The following LHX2 variants were observed in gnomAD, a reference collection of about 807,000 sequenced individuals.
LHX2 encodes the protein LIM/homeobox protein Lhx2.
A neutral mutation model predicts 33.0 loss-of-function variants in LHX2; 6 were observed. The observed-to-expected ratio is 0.18, with a 90% CI of 0.10 to 0.36. LHX2 has a LOEUF of 0.36. Among genes scored for constraint, LHX2 ranks in the 10% least tolerant of loss-of-function variants. The pLI is 1.00. For synonymous variants in LHX2, 292 were observed against 253.1 expected (o/e 1.15, Z -1.46); for missense variants, 442 against 586.2 (o/e 0.75, Z 2.54).
chr9:124,020,819 A>G (rs189466754), intron 3 of LHX2, among the ~76,000 whole-genome samples: 1 of 151,988 alleles, frequency 6.6e-6, no homozygotes, highest in East Asian at 1.9e-4. Flanking sequence ...TGCTGCTACT[A>G]TTGTTCTTAT....
rs1346231061 is a variant in LHX2 at position 124,015,006 on chromosome 9, G to A, written c.324-116G>A. 2 of 1,181,236 alleles carry A rather than the reference G, an allele frequency of 1.7e-6. No individual in the cohort carries two copies. The highest frequency in any genetic ancestry group is 1.5e-5 in the African/African-American group (1 of 65,524). The allele number at this position is 1,181,236 out of a possible 1,614,324, so 73.2% of individuals were successfully genotyped here. On this transcript the variant is annotated intron_variant, in intron 2 of 4. Coordinates refer to ENST00000373615, the MANE Select transcript of LHX2 (RefSeq NM_004789.4). The surrounding 1 kb of genome is among the most constrained non-coding windows in gnomAD (Gnocchi z 7.9). ...CCCCCCCATCCTCCAAATAAAGGCC[G>A]GGTTGTTCGTCTTGAGGAGGGGATT...
rs752474399 is a variant in LHX2 at position 124,032,758 on chromosome 9, A to T, written c.*51A>T. On this transcript the variant is annotated 3_prime_UTR_variant, in exon 5 of 5. Transcript: ENST00000373615. The surrounding 1 kb of genome is among the most constrained non-coding windows in gnomAD (Gnocchi z 4.1). ...TTTCTTTAAAAAAGAAATTATCTTT[A>T]GTTGAATTCCAAGTGTATTTTAAAA... 6.7e-7 allele frequency: 1 copy of T among 1,497,256 alleles called. No individual in the cohort carries two copies. The highest frequency in any genetic ancestry group is 9.0e-7 in the Non-Finnish European group (1 of 1,115,774). The allele number at this position is 1,497,256 out of a possible 1,614,324, so 92.7% of individuals were successfully genotyped here.
chr9:124,015,625 G>T lies in LHX2; in HGVS notation c.727+100G>T. 1 of 1,322,354 alleles carries T rather than the reference G, an allele frequency of 7.6e-7. No homozygotes were observed. Among genetic ancestry groups the T allele is most frequent in the East Asian group, 2.6e-5 (1 of 38,776 alleles). 81.9% of individuals were successfully genotyped at this position (1,322,354 alleles called of 1,614,324 possible). On this transcript the variant is annotated intron_variant, in intron 3 of 4. Coordinates refer to ENST00000373615, the MANE Select transcript of LHX2 (RefSeq NM_004789.4). The surrounding 1 kb of genome is among the most constrained non-coding windows in gnomAD (Gnocchi z 7.9). ...TGAATCTCTGTGTGCTGGGCAAATA[G>T]CGAGCCTTAAGCACCGGACGGCCTC...
intron 4 of LHX2, among the ~76,000 whole-genome samples, chr9:124,030,987 A>G (rs918203246): frequency 1.3e-5 from 2 of 152,114 alleles, no homozygotes. Flanking sequence ...GTGCAAAGAT[A>G]TGGGAGTGGA....
chr9:124,025,302 G>A (rs557090340), intron 4 of LHX2, among the ~76,000 whole-genome samples: 20 of 152,178 alleles, frequency 1.3e-4, no homozygotes, highest in Admixed American at 7.2e-4. Context: ...TTAGCCGGGC[G>A]TGGTGGCATG....
rs897913744 is a variant in LHX2 at position 124,011,789 on chromosome 9, C to G, written c.-560C>G. ...CTTCAATTCTCCCGGTGGCTCGACT[C>G]GGCTCGCAGGCTTCGGAGAAACCCC... On this transcript the variant is annotated 5_prime_UTR_variant, in exon 1 of 5. Transcript: ENST00000373615. 6.5e-6 allele frequency: 1 copy of G among 153,692 alleles called. No individual in the cohort carries two copies. Among genetic ancestry groups the G allele is most frequent in the African/African-American group, 2.4e-5 (1 of 41,404 alleles). The allele number at this position is 153,692 out of a possible 1,614,324, so 9.5% of individuals were successfully genotyped here.
At chr9:124,027,490 T>A (rs999723125) in intron 4 of LHX2, among the ~76,000 whole-genome samples, 2 of 152,032 alleles carry the variant, frequency 1.3e-5, no homozygotes, top group African/African-American at 4.8e-5. Context: ...ACCAAATGAG[T>A]TAATGTGTAA....
In LHX2 at chr9:124,021,171, A is replaced by C; in HGVS notation, c.800A>C (p.Lys267Thr). 1 of 1,614,222 alleles carries C rather than the reference A, an allele frequency of 6.2e-7. No individual in the cohort carries two copies. Among genetic ancestry groups the C allele is most frequent in the Middle Eastern group, 1.6e-4 (1 of 6,062 alleles). ...DQPYPSSQKT[K>T]RMRTSFKHHQ... ...CCATACCCGAGCAGCCAGAAGACCA[A>C]GCGCATGCGCACGTCCTTCAAGCAC... Residue 267 changes from lysine to threonine, a missense_variant, in exon 4 of 5, where the codon AAG becomes ACG. By Grantham distance (78) the Lys-to-Thr change is moderately conservative. Around this residue, in one of 5 missense-constraint regions of LHX2, gnomAD observed 32 missense variants for 95.3 expected, o/e 0.34. Transcript: ENST00000373615.
At position 124,012,532 on chromosome 9, in the gene LHX2, T is replaced by C. The variant is rs1351435197; in HGVS notation, c.120+64T>C. Reference sequence around the variant, plus strand: ...ATGGGGCCGGGCCAGTCAGCGCCTCTGCTCCCCGAAGTTTGGGGAGCGTCC... The same window carrying C: ...ATGGGGCCGGGCCAGTCAGCGCCTCCGCTCCCCGAAGTTTGGGGAGCGTCC... On this transcript the variant is annotated intron_variant, in intron 1 of 4. Coordinates refer to ENST00000373615, the MANE Select transcript of LHX2 (RefSeq NM_004789.4). The surrounding 1 kb of genome is among the most constrained non-coding windows in gnomAD (Gnocchi z 4.3). The C allele has an allele frequency of 2.3e-5, 33 of 1,413,432 alleles. No homozygotes were observed. The highest frequency in any genetic ancestry group is 4.5e-5 in the African/African-American group (3 of 67,262). The allele number at this position is 1,413,432 out of a possible 1,614,324, so 87.6% of individuals were successfully genotyped here.
In LHX2 at chr9:124,012,390, C is replaced by A; in HGVS notation, c.42C>A (p.Val14=). 1 of 1,531,930 alleles carries A rather than the reference C, an allele frequency of 6.5e-7. No individual in the cohort carries two copies. Among genetic ancestry groups the A allele is most frequent in the South Asian group, 1.2e-5 (1 of 83,094 alleles). 94.9% of individuals were successfully genotyped at this position (1,531,930 alleles called of 1,614,324 possible). The part of the protein sequence containing the change: ...HSLSGPEVHG[V]IDEMDRRAKS... ...TGTCGGGCCCCGAGGTGCACGGGGT[C>A]ATCGACGAGATGGACCGCAGGGCCA... Residue 14 remains valine (V), a synonymous_variant, in exon 1 of 5, where the codon GTC becomes GTA. Coordinates refer to ENST00000373615, the MANE Select transcript of LHX2 (RefSeq NM_004789.4). This position sits in a 1 kb window ranked among gnomAD's most constrained non-coding sequence, Gnocchi z 4.3.
intron 4 of LHX2, among the ~76,000 whole-genome samples, chr9:124,024,501 AG>A (rs1324730178): frequency 1.3e-5 from 2 of 152,236 alleles, no homozygotes; most frequent in Admixed American, 1.3e-4. Flanking sequence ...ACTTACCAGC[AG>A]TGAGATTTGG....
chr9:124,017,450 C>T (rs891662237), intron 3 of LHX2, among the ~76,000 whole-genome samples: 1 of 152,226 alleles, frequency 6.6e-6, no homozygotes, highest in Non-Finnish European at 1.5e-5. Context: ...CCGCCCTTCC[C>T]TCCCCTCCCG....
Position 124,015,484 on chromosome 9 carries a change from A to G in LHX2, c.686A>G (p.Lys229Arg). The G allele has an allele frequency of 6.7e-7, 1 of 1,487,948 alleles. No homozygotes were observed. The highest frequency in any genetic ancestry group is 8.9e-7 in the Non-Finnish European group (1 of 1,120,044). The allele number at this position is 1,487,948 out of a possible 1,614,324, so 92.2% of individuals were successfully genotyped here. Residue 229 changes from lysine (K) to arginine (R), a missense_variant, in exon 3 of 5, where the codon AAG becomes AGG. Lys to Arg is a conservative substitution (Grantham distance 26). Transcript: ENST00000373615. The surrounding 1 kb of genome is among the most constrained non-coding windows in gnomAD (Gnocchi z 7.9). Reference sequence around the variant, plus strand: ...CAGAAGGGGCGGCCGAGGAAACGTAAGAGCCCGGGCCCCGGTGCGGATCTG... The same window carrying G: ...CAGAAGGGGCGGCCGAGGAAACGTAGGAGCCCGGGCCCCGGTGCGGATCTG... ...TVQKGRPRKR[K>R]SPGPGADLAA...
intron 4 of LHX2, among the ~76,000 whole-genome samples, chr9:124,023,433 C>A (rs1003344475): frequency 6.6e-6 from 1 of 152,118 alleles, no homozygotes; most frequent in Non-Finnish European, 1.5e-5. Context: ...GGAGGGAGGG[C>A]AGTTCTATGA....
chr9:124,021,662 C>A (rs1359432240), intron 4 of LHX2, among the ~76,000 whole-genome samples: 1 of 152,192 alleles, frequency 6.6e-6, no homozygotes, highest in African/African-American at 2.4e-5. Context: ...ATAAAAGGTT[C>A]AAACATTTCA....
intron 4 of LHX2, among the ~76,000 whole-genome samples, chr9:124,025,217 C>G (rs1828596036): frequency 6.6e-6 from 1 of 151,946 alleles, no homozygotes; most frequent in Non-Finnish European, 1.5e-5. Context: ...CCGAGGCGGG[C>G]GGATTACAAG....
At chr9:124,024,308 C>T (rs1828570748) in intron 4 of LHX2, among the ~76,000 whole-genome samples, 1 of 152,248 alleles carries the variant, frequency 6.6e-6, no homozygotes, top group South Asian at 2.1e-4. Context: ...AGATGAGAAG[C>T]TTAAGACCTA....
In LHX2 at chr9:124,016,222, C is replaced by T. The variant is rs1859187928; in HGVS notation, c.727+697C>T. Among the ~76,000 whole-genome samples, 1 of 138,924 alleles carries T rather than the reference C, an allele frequency of 7.2e-6. No individual in the cohort carries two copies. The highest frequency in any genetic ancestry group is 1.6e-5 in the Non-Finnish European group (1 of 64,152). The allele number at this position is 138,924 out of a possible 152,430, so 91.1% of individuals were successfully genotyped here. The stretch of plus-strand genomic sequence containing the variant: ...CGAGACCGGAGCAGGCCTGGCCTCG[C>T]GCCGGGGTGGGGTGGGGTGGGGTGA... On this transcript the variant is annotated intron_variant, in intron 3 of 4. Transcript: ENST00000373615. The surrounding 1 kb of genome is among the most constrained non-coding windows in gnomAD (Gnocchi z 4.4).
chr9:124,013,926 A>G (rs1290095713), intron 1 of LHX2, 35 bp from the exon 2 acceptor site: 1 of 1,595,226 alleles, frequency 6.3e-7, no homozygotes, highest in Non-Finnish European at 8.6e-7. Flanking sequence ...TGGCTGACGC[A>G]GGCGCTGCTG....
Sources: gnomAD v4.1 joint callset for allele counts (sites outside exome capture counted in the v4.1 genomes callset) on GRCh38, gnomAD v4.1.1 for gene constraint, gnomAD v4.1.1 regional missense constraint, Gnocchi (gnomAD v3.1) non-coding constraint, MANE v1.5 for transcripts, NCBI Gene and HGNC (gene_info 2026-07-23, HGNC 2026-07-21) for gene names.